The following TMEM163 variants were observed in gnomAD, a reference collection of about 807,000 sequenced individuals.
The protein encoded by TMEM163 is transmembrane protein 163.
A neutral mutation model predicts 29.3 loss-of-function variants in TMEM163; 17 were observed. The observed-to-expected ratio is 0.58, with a 90% CI of 0.40 to 0.87. The LOEUF (loss-of-function observed/expected upper bound fraction) is 0.87. Ranked by LOEUF, TMEM163 falls within the 40% of genes least tolerant of loss-of-function variation. The pLI is 0.00. For synonymous variants in TMEM163, 157 were observed against 160.6 expected, an observed-to-expected ratio of 0.98 and a Z score of 0.17; for missense variants, 303 against 381.5, an observed-to-expected ratio of 0.79 and a Z score of 1.71.
intron 4 of TMEM163, among the ~76,000 whole-genome samples, chr2:134,550,082 C>T (rs1270957565): frequency 6.6e-6 from 1 of 152,092 alleles, no homozygotes; most frequent in African/African-American, 2.4e-5. Context: ...GAGTCACAAA[C>T]GTTAAGTCCT....
intron 4 of TMEM163, among the ~76,000 whole-genome samples, chr2:134,507,537 C>A (rs1016269121): frequency 3.3e-5 from 5 of 152,024 alleles, no homozygotes; most frequent in Non-Finnish European, 7.4e-5. Context: ...TTTAATAAGC[C>A]CTTCAGGTGA....
At chr2:134,625,713 T>C (rs902084107) in intron 2 of TMEM163, among the ~76,000 whole-genome samples, 1 of 152,164 alleles carries the variant, frequency 6.6e-6, no homozygotes, top group Non-Finnish European at 1.5e-5. Flanking sequence ...TCCTGAATAG[T>C]GACATAAAAG....
intron 5 of TMEM163, among the ~76,000 whole-genome samples, chr2:134,470,788 G>A (rs142105923): frequency 1.9e-3 from 292 of 152,318 alleles, no homozygotes; most frequent in African/African-American, 6.0e-3. Flanking sequence ...GCTCTCCTGC[G>A]GTGCACGTGC....
At chr2:134,619,938 C>T (rs143123088) in intron 2 of TMEM163, among the ~76,000 whole-genome samples, 1 of 152,266 alleles carries the variant, frequency 6.6e-6, no homozygotes, top group African/African-American at 2.4e-5. Context: ...TGCACTATGG[C>T]TTCAAAAAGA....
At chr2:134,631,423 C>A (rs1682966820) in intron 2 of TMEM163, among the ~76,000 whole-genome samples, 1 of 152,146 alleles carries the variant, frequency 6.6e-6, no homozygotes, top group Non-Finnish European at 1.5e-5. Flanking sequence ...TTAGGTCTAG[C>A]AGCATTCTTG....
intron 2 of TMEM163, among the ~76,000 whole-genome samples, chr2:134,615,643 G>A (rs1682592778): frequency 7.0e-6 from 1 of 142,372 alleles, no homozygotes; most frequent in East Asian, 2.1e-4. Context: ...CTGCAAACAA[G>A]AGCAGAGCTT....
At chr2:134,516,778 T>TGAATATATATATATGCATATATATGAA in intron 4 of TMEM163, among the ~76,000 whole-genome samples, 1 of 70,732 alleles carries the variant, frequency 1.4e-5, no homozygotes, top group African/African-American at 1.2e-4. Context: ...TGCATATCTA[T>TGAATATATATATATGCATATATATGAA]TCATATATAT....
At chr2:134,712,470 A>T (rs973378590) in intron 2 of TMEM163, among the ~76,000 whole-genome samples, 1 of 152,170 alleles carries the variant, frequency 6.6e-6, no homozygotes, top group Admixed American at 6.5e-5. Flanking sequence ...CATCAAAAAA[A>T]AAAACAAAAC....
rs1683382756 is a variant in TMEM163 at position 134,648,304 on chromosome 2, C to CCTCTTCTCTTCTCTTCTCTTTTCTT, written c.322+64895_322+64896insAAGAAAAGAGAAGAGAAGAGAAGAG. ...TAGTCTCTGGCATCTCACTGCTTCT[C>CCTCTTCTCTTCTCTTCTCTTTTCTT]CTCTTCTCTTCTCTTCTCTTCTCTT... On this transcript the variant is annotated intron_variant, in intron 2 of 7. Transcript: ENST00000281924. Among the ~76,000 whole-genome samples the CCTCTTCTCTTCTCTTCTCTTTTCTT allele has an allele frequency of 2.8e-4, 40 of 143,230 alleles. 2 individuals carry two copies. In the South Asian group the frequency reaches 8.9e-3, roughly 32 times the overall value. 94.0% of individuals were successfully genotyped at this position (143,230 alleles called of 152,430 possible).
intron 2 of TMEM163, among the ~76,000 whole-genome samples, chr2:134,656,703 C>T (rs1478248205): frequency 1.3e-5 from 2 of 152,120 alleles, no homozygotes; most frequent in South Asian, 2.1e-4. Context: ...TAGCCTTTGC[C>T]CACTCAGTAT....
At chr2:134,598,754 T>G (rs1682151189) in intron 2 of TMEM163, among the ~76,000 whole-genome samples, 1 of 151,438 alleles carries the variant, frequency 6.6e-6, no homozygotes, top group Admixed American at 6.6e-5. Context: ...CCGTCTCTAC[T>G]AAAAAAATAC....
chr2:134,579,902 C>T (rs969940637), intron 2 of TMEM163, among the ~76,000 whole-genome samples: 6 of 152,144 alleles, frequency 3.9e-5, no homozygotes, highest in African/African-American at 1.4e-4. Context: ...ATGATTTGTT[C>T]TCTCATACAG....
At chr2:134,560,989 C>G (rs1202424599) in intron 2 of TMEM163, among the ~76,000 whole-genome samples, 2 of 152,184 alleles carry the variant, frequency 1.3e-5, no homozygotes, top group African/African-American at 4.8e-5. Context: ...AAAACTTCCT[C>G]AACACCACAG....
chr2:134,500,390 C>T lies in TMEM163; in HGVS notation c.555+2511G>A, dbSNP rs547848693. Among the ~76,000 whole-genome samples, 24 of 152,338 alleles carry T rather than the reference C, an allele frequency of 1.6e-4. 1 individual carries two copies. Among genetic ancestry groups the T allele is most frequent in the Admixed American group, 5.2e-4 (8 of 15,306 alleles). ...CCACCTGGCAGCATTTACCTGGCCC[C>T]GTGGGCCACTCAGCCCTCAGCCGAG... On this transcript the variant is annotated intron_variant, in intron 5 of 7. Coordinates refer to ENST00000281924, the MANE Select transcript of TMEM163 (RefSeq NM_030923.5).
At chr2:134,711,599 T>C (rs1484898250) in intron 2 of TMEM163, among the ~76,000 whole-genome samples, 1 of 152,244 alleles carries the variant, frequency 6.6e-6, no homozygotes, top group Non-Finnish European at 1.5e-5. Context: ...TCTAATTCTG[T>C]ATGCACTATG....
intron 4 of TMEM163, among the ~76,000 whole-genome samples, chr2:134,520,735 G>A: frequency 6.6e-6 from 1 of 152,126 alleles, no homozygotes; most frequent in East Asian, 1.9e-4. Flanking sequence ...ACACAGCATG[G>A]GCAGATATTA....
chr2:134,718,450 G>C (rs1028477936), intron 1 of TMEM163, among the ~76,000 whole-genome samples: 5 of 152,254 alleles, frequency 3.3e-5, no homozygotes, highest in Non-Finnish European at 5.9e-5. Flanking sequence ...CGTGGGCGCC[G>C]GAGGGCCTGG....
Position 134,495,671 on chromosome 2 carries a change from A to G in TMEM163, c.555+7230T>C, listed in dbSNP as rs149831076. Among the ~76,000 whole-genome samples, 28 of 152,334 alleles carry G rather than the reference A, an allele frequency of 1.8e-4. 2 individuals are homozygous for G. Among genetic ancestry groups the G allele is most frequent in the African/African-American group, 6.5e-4 (27 of 41,572 alleles). On this transcript the variant is annotated intron_variant, in intron 5 of 7. Coordinates refer to ENST00000281924, the MANE Select transcript of TMEM163 (RefSeq NM_030923.5). The stretch of plus-strand genomic sequence containing the variant: ...GCCTGAGCTCCTGCACTAGGCCCCA[A>G]CAGACCAGACCAAACAAGAATGGAG...
chr2:134,528,818 T>C (rs935060124), intron 4 of TMEM163, among the ~76,000 whole-genome samples: 6 of 152,192 alleles, frequency 3.9e-5, no homozygotes, highest in Non-Finnish European at 7.3e-5. Flanking sequence ...CACAAGATTG[T>C]ATAAAGCCCT....
Sources: allele counts gnomAD v4.1 joint callset (sites outside exome capture counted in the v4.1 genomes callset), GRCh38; gene constraint gnomAD v4.1.1; transcripts MANE v1.5; gene names NCBI Gene and HGNC (gene_info 2026-07-23, HGNC 2026-07-21).